The following SLC44A5 variants were observed in gnomAD, a reference collection of about 807,000 sequenced individuals.
SLC44A5 encodes the protein choline transporter-like protein 5.
SLC44A5 carries 57 observed loss-of-function variants against 101.8 expected under a neutral mutation model. The observed-to-expected ratio is 0.56, with a 90% CI of 0.45 to 0.70. SLC44A5 has a LOEUF of 0.70. Ranked by LOEUF, SLC44A5 falls within the 30% of genes least tolerant of loss-of-function variation. The pLI, the probability that SLC44A5 is intolerant of heterozygous loss-of-function variation, is 0.00. For missense variants in SLC44A5, 737 were observed against 853.1 expected (o/e 0.86, Z 1.70); for synonymous variants, 281 against 290.9 (o/e 0.97, Z 0.35).
At chr1:75,404,626 C>T (rs2101463091) in intron 2 of SLC44A5, among the ~76,000 whole-genome samples, 1 of 152,186 alleles carries the variant, frequency 6.6e-6, no homozygotes, top group South Asian at 2.1e-4. Context: ...GAAATAAAAC[C>T]CTTTACAGAC....
chr1:75,648,538 T>G, the SLC44A5 span, among the ~76,000 whole-genome samples: 1 of 152,092 alleles, frequency 6.6e-6, no homozygotes, highest in Non-Finnish European at 1.5e-5. Flanking sequence ...ACTTGGCATA[T>G]GATAGTCCTC....
At chr1:75,471,371 G>T (rs1667098230) in intron 2 of SLC44A5, among the ~76,000 whole-genome samples, 2 of 129,550 alleles carry the variant, frequency 1.5e-5, no homozygotes. Flanking sequence ...ACATAAGCTT[G>T]TGTGCATGAA....
At chr1:75,580,187 A>T (rs1227410079) in intron 1 of SLC44A5, among the ~76,000 whole-genome samples, 4 of 152,182 alleles carry the variant, frequency 2.6e-5, no homozygotes, top group Non-Finnish European at 5.9e-5. Flanking sequence ...TTAGCATCAA[A>T]AGATAGAAAT....
Position 75,222,478 on chromosome 1 carries a change from A to T in SLC44A5, c.986-18T>A. ...TATTATCACTTTGAACAGGAAAAAAAAAATCAGTCTGTAATACAAGTAGAT... is the reference window on the plus strand; with the variant it reads ...TATTATCACTTTGAACAGGAAAAAATAAATCAGTCTGTAATACAAGTAGAT... On this transcript the variant is annotated intron_variant, in intron 13 of 23. Coordinates refer to ENST00000370859, the MANE Select transcript of SLC44A5 (RefSeq NM_001130058.2). The T allele has an allele frequency of 6.6e-7, 1 of 1,514,106 alleles. No homozygotes were observed. The highest frequency in any genetic ancestry group is 9.2e-7 in the Non-Finnish European group (1 of 1,092,830). The allele number at this position is 1,514,106 out of a possible 1,614,324, so 93.8% of individuals were successfully genotyped here.
At chr1:75,300,775 G>T in intron 4 of SLC44A5, 90 bp from the exon 5 acceptor site, 1 of 712,126 alleles carries the variant, frequency 1.4e-6, no homozygotes, top group Non-Finnish European at 2.2e-6. Flanking sequence ...GAAAAAGATA[G>T]TAATAGTGAG....
chr1:75,325,692 G>A (rs1431909898), intron 4 of SLC44A5, among the ~76,000 whole-genome samples: 1 of 151,898 alleles, frequency 6.6e-6, no homozygotes, highest in African/African-American at 2.4e-5. Context: ...TTCATCATAG[G>A]TATGTATGTA....
intron 3 of SLC44A5, among the ~76,000 whole-genome samples, chr1:75,367,834 C>T (rs1456629295): frequency 6.6e-6 from 1 of 152,184 alleles, no homozygotes; most frequent in Non-Finnish European, 1.5e-5. Flanking sequence ...CAATCACTTA[C>T]TTGGATCCCA....
In SLC44A5 at chr1:75,274,972, C is replaced by T. The variant is rs376136608; in HGVS notation, c.246G>A (p.Lys82=). 6.2e-7 allele frequency: 1 copy of T among 1,612,428 alleles called. No homozygotes were observed. The highest frequency in any genetic ancestry group is 1.7e-5 in the Admixed American group (1 of 59,748). Residue 82 remains lysine (K), a synonymous_variant, in exon 6 of 24, where the codon AAG becomes AAA. Transcript: ENST00000370859. The part of the protein sequence containing the change: ...TDSQGHFCGQ[K]GTPNENKTIL... Reference sequence around the variant, plus strand: ...GCCATACTCACTCATTGGGAGTGCCCTTCTGGCCACAAAAGTGGCCCTGGC... The same window carrying T: ...GCCATACTCACTCATTGGGAGTGCCTTTCTGGCCACAAAAGTGGCCCTGGC...
chr1:75,377,047 C>A (rs114368500), intron 3 of SLC44A5, among the ~76,000 whole-genome samples: 4 of 152,028 alleles, frequency 2.6e-5, no homozygotes, highest in South Asian at 4.2e-4. Context: ...CCTCAGGAGT[C>A]GATGCTATCA....
intron 2 of SLC44A5, among the ~76,000 whole-genome samples, chr1:75,421,866 CT>C: frequency 1.3e-5 from 2 of 149,702 alleles, no homozygotes; most frequent in East Asian, 3.9e-4. Context: ...AAATCTGTTA[CT>C]TTTTTGAAAA....
chr1:75,659,570 G>C, the SLC44A5 span, among the ~76,000 whole-genome samples: 2 of 133,324 alleles, frequency 1.5e-5, no homozygotes, highest in Non-Finnish European at 3.2e-5. Flanking sequence ...AGGCAGAATT[G>C]CTTGAGCCCA....
In SLC44A5 at chr1:75,302,112, G is replaced by GTTTTTTTTTTTTTTTTTTTTT. The variant is rs10684140; in HGVS notation, c.102-1448_102-1428dup. Among the ~76,000 whole-genome samples, 26 of 60,130 alleles carry GTTTTTTTTTTTTTTTTTTTTT rather than the reference G, an allele frequency of 4.3e-4. 4 individuals carry two copies. Among genetic ancestry groups the GTTTTTTTTTTTTTTTTTTTTT allele is most frequent in the African/African-American group, 1.2e-3 (17 of 14,504 alleles). 39.4% of individuals were successfully genotyped at this position (60,130 alleles called of 152,430 possible). A position where few individuals can be genotyped will look rare whatever the true frequency, so the allele number is the denominator to read the frequency against. On this transcript the variant is annotated intron_variant, in intron 4 of 23. Coordinates refer to ENST00000370859, the MANE Select transcript of SLC44A5 (RefSeq NM_001130058.2). Reference sequence around the variant, plus strand: ...AGAAAGCAGGTGCTCTAGTTTTTTTGTTTTTTTTTTTTTTTTTTTTTTTTG... The same window carrying GTTTTTTTTTTTTTTTTTTTTT: ...AGAAAGCAGGTGCTCTAGTTTTTTTGTTTTTTTTTTTTTTTTTTTTTTTTTTTTTTTTTTTTTTTTTTTTTG...
chr1:75,315,429 G>A (rs1031383920), intron 4 of SLC44A5, among the ~76,000 whole-genome samples: 1 of 152,000 alleles, frequency 6.6e-6, no homozygotes, highest in African/African-American at 2.4e-5. Flanking sequence ...TATAATTTTA[G>A]TATGCCCCCA....
intron 3 of SLC44A5, among the ~76,000 whole-genome samples, chr1:75,352,186 G>C (rs1658727973): frequency 6.6e-6 from 1 of 152,026 alleles, no homozygotes; most frequent in South Asian, 2.1e-4. Flanking sequence ...TGTCTTCTTT[G>C]TCTCTTTTTT....
chr1:75,694,503 T>G, the SLC44A5 span, among the ~76,000 whole-genome samples: 4 of 152,174 alleles, frequency 2.6e-5, 1 homozygote, highest in Non-Finnish European at 5.9e-5. Flanking sequence ...TTGTTACATG[T>G]AAATCCTATT....
In SLC44A5 at chr1:75,491,101, T is replaced by G. The variant is rs564765072; in HGVS notation, c.13+50334A>C. Among the ~76,000 whole-genome samples the G allele has an allele frequency of 3.9e-5, 6 of 152,186 alleles. No homozygotes were observed. The East Asian group carries it at 5.8e-4, about 15-fold the overall frequency. ...CCATCGTAGTAACCCCATTCCCCTC[T>G]CCAGGGATTGGCTTAGTCAGGGTTT... On this transcript the variant is annotated intron_variant, in intron 2 of 23. Transcript: ENST00000370859.
the SLC44A5 span, among the ~76,000 whole-genome samples, chr1:75,655,433 T>C: frequency 1.8e-4 from 28 of 152,198 alleles, no homozygotes; most frequent in African/African-American, 6.5e-4. Context: ...CCTGACTGGC[T>C]TCACTACCAG....
chr1:75,230,859 G>T (rs1647489930), intron 12 of SLC44A5, among the ~76,000 whole-genome samples: 1 of 152,064 alleles, frequency 6.6e-6, no homozygotes, highest in African/African-American at 2.4e-5. Context: ...TCAAGTGATT[G>T]GCCGCCTCGG....
At chr1:75,634,644 C>A in the SLC44A5 span, among the ~76,000 whole-genome samples, 1 of 151,146 alleles carries the variant, frequency 6.6e-6, no homozygotes, top group East Asian at 2.0e-4. Context: ...CTTCCTTACA[C>A]CTTATACAAA....
Sources: allele counts gnomAD v4.1 joint callset (sites outside exome capture counted in the v4.1 genomes callset), GRCh38; gene constraint gnomAD v4.1.1; transcripts MANE v1.5; gene names NCBI Gene and HGNC (gene_info 2026-07-23, HGNC 2026-07-21).